CALCOCO2: variants seen among roughly 807,000 people sequenced by gnomAD.
CALCOCO2 encodes the protein calcium-binding and coiled-coil domain-containing protein 2.
In CALCOCO2, 42 loss-of-function variants were observed where a neutral mutation model predicts 62.5. That is an observed-to-expected ratio of 0.67 (90% CI 0.53 to 0.87). The LOEUF (loss-of-function observed/expected upper bound fraction) is 0.87. CALCOCO2 is among the 40% of genes least tolerant of loss of function. The pLI is 0.00. For synonymous variants in CALCOCO2, 167 were observed against 173.0 expected (o/e 0.97, Z 0.27); for missense variants, 456 against 515.0 (o/e 0.89, Z 1.11).
chr17:48,856,721 G>T, intron 10 of CALCOCO2: 1 of 417,364 alleles, frequency 2.4e-6, no homozygotes, highest in Non-Finnish European at 4.8e-6. Flanking sequence ...AAGATGATAT[G>T]GCAAAAAATA....
chr17:48,839,265 C>T (rs959544425), intron 1 of CALCOCO2: 2 of 152,352 alleles, frequency 1.3e-5, no homozygotes, highest in Admixed American at 1.3e-4. Flanking sequence ...CCTCTGCCTC[C>T]CAAAGTGCTG....
rs990729797 is a variant in CALCOCO2, at chr17:48,860,462, T to C, written c.1144+13T>C. 5 of 1,612,316 alleles carry C rather than the reference T, an allele frequency of 3.1e-6. No individual in the cohort carries two copies. In the Admixed American group the frequency reaches 6.7e-5, roughly 22 times the overall value. On this transcript the variant is annotated intron_variant, in intron 11 of 12. Coordinates refer to ENST00000258947, the MANE Select transcript of CALCOCO2 (RefSeq NM_005831.5). Reference sequence around the variant, plus strand: ...AACCCATATTCTGGTAAGACAACTTTCCCATTCCAACTGGAAGGACCCTGC... The same window carrying C: ...AACCCATATTCTGGTAAGACAACTTCCCCATTCCAACTGGAAGGACCCTGC...
At chr17:48,836,796 C>T (rs1160861751) in intron 1 of CALCOCO2, among the ~76,000 whole-genome samples, 1 of 135,200 alleles carries the variant, frequency 7.4e-6, no homozygotes, top group African/African-American at 2.8e-5. Context: ...GAGTTTTGCT[C>T]TTATTGCCCA....
At chr17:48,844,604 C>G (rs930622466) in intron 2 of CALCOCO2, among the ~76,000 whole-genome samples, 1 of 151,908 alleles carries the variant, frequency 6.6e-6, no homozygotes, top group Non-Finnish European at 1.5e-5. Context: ...ACAGGCACCC[C>G]GCCTCCCCAG....
At position 48,852,943 on chromosome 17, in the gene CALCOCO2, G is replaced by A. The variant is rs139933630; in HGVS notation, c.843G>A (p.Lys281=). 1.2e-6 allele frequency: 2 copies of A among 1,613,404 alleles called. No homozygotes were observed. The highest frequency in any genetic ancestry group is 1.7e-5 in the Admixed American group (1 of 59,984). ...TTGTGCAGAGGAAGGACCAGAAGAA[G>A]CTCGAGCAGACAGTGGAGCAAATGA... ...SLTEQRKDQK[K]LEQTVEQMKQ... is the part of the protein sequence containing the mutation. The change falls in exon 9 of 13, where the codon AAG becomes AAA. Residue 281 remains lysine (K), a synonymous_variant. Transcript: ENST00000258947.
chr17:48,838,713 T>TAA (rs1317549534), intron 1 of CALCOCO2, among the ~76,000 whole-genome samples: 1 of 151,858 alleles, frequency 6.6e-6, no homozygotes, highest in African/African-American at 2.4e-5. Context: ...GACTCTGTCT[T>TAA]AAAAAATATA....
intron 1 of CALCOCO2, among the ~76,000 whole-genome samples, chr17:48,834,405 C>T (rs1218010635): frequency 6.6e-6 from 1 of 152,116 alleles, no homozygotes; most frequent in Non-Finnish European, 1.5e-5. Flanking sequence ...ATAAAGTTGC[C>T]TCTGACAGTT....
rs2040095327 is a variant in CALCOCO2 at position 48,849,346 on chromosome 17, CAGA to C, written c.513_515del (p.Asp172del). On this transcript the variant is annotated inframe_deletion, in exon 5 of 13. Coordinates refer to ENST00000258947, the MANE Select transcript of CALCOCO2 (RefSeq NM_005831.5). ...TGTATCAGCCTCCAGAAGCAGAACT[CAGA>C]CATGCAGGCTGAGCTCCAAAAGAAG... is the stretch of plus-strand genomic sequence containing the variant. The C allele has an allele frequency of 6.2e-7, 1 of 1,613,578 alleles. No individual in the cohort carries two copies. The highest frequency in any genetic ancestry group is 8.5e-7 in the Non-Finnish European group (1 of 1,179,832).
chr17:48,831,669 T>G (rs2039815299), intron 1 of CALCOCO2: 1 of 152,252 alleles, frequency 6.6e-6, no homozygotes, highest in Non-Finnish European at 1.5e-5. Flanking sequence ...CCATTGCCCC[T>G]CCACCACTGA....
chr17:48,857,128 A>G (rs928000009), intron 10 of CALCOCO2, among the ~76,000 whole-genome samples: 3 of 150,698 alleles, frequency 2.0e-5, no homozygotes, highest in African/African-American at 7.3e-5. Context: ...CTCAGCATCA[A>G]ATAATAGGTG....
chr17:48,836,629 C>T (rs2039894840), intron 1 of CALCOCO2, among the ~76,000 whole-genome samples: 1 of 151,950 alleles, frequency 6.6e-6, no homozygotes, highest in African/African-American at 2.4e-5. Flanking sequence ...TACCTGTGTA[C>T]AATGAGGGTT....
At chr17:48,858,694 G>GT (rs769092683) in intron 10 of CALCOCO2, among the ~76,000 whole-genome samples, 26 of 151,490 alleles carry the variant, frequency 1.7e-4, no homozygotes, top group African/African-American at 5.9e-4. Context: ...TAGTTTGATT[G>GT]TGGGGGGGGG....
intron 2 of CALCOCO2, chr17:48,846,570 A>C: frequency 1.3e-6 from 1 of 782,548 alleles, no homozygotes; most frequent in Non-Finnish European, 2.1e-6. Context: ...GGCCTTCCCA[A>C]TGATATTTTG....
At chr17:48,853,086 T>G in intron 9 of CALCOCO2, 74 bp downstream of exon 9, 1 of 981,870 alleles carries the variant, frequency 1.0e-6, no homozygotes. Flanking sequence ...GGGCCTATTT[T>G]CCGGTTGATG....
Position 48,862,238 on chromosome 17 carries a change from A to G in CALCOCO2, c.1145-38A>G, listed in dbSNP as rs755092260. On this transcript the variant is annotated intron_variant, in intron 11 of 12. Transcript: ENST00000258947. ...CACAGTTGGAGAAGCTAGGGATGGT[A>G]TTTTCTCATTGAATGAGATCTTTTT... 11 of 1,414,360 alleles carry G rather than the reference A, an allele frequency of 7.8e-6. No homozygotes were observed. The Admixed American group carries it at 1.7e-4, about 22-fold the overall frequency. 87.6% of individuals were successfully genotyped at this position (1,414,360 alleles called of 1,614,324 possible). A position where few individuals can be genotyped will look rare whatever the true frequency, so the allele number is the denominator to read the frequency against.
chr17:48,853,089 G>C, intron 9 of CALCOCO2, 77 bp downstream of exon 9: 2 of 956,490 alleles, frequency 2.1e-6, no homozygotes, highest in South Asian at 2.7e-5. Context: ...CCTATTTTCC[G>C]GTTGATGGAC....
chr17:48,857,219 C>T (rs547603492), intron 10 of CALCOCO2, among the ~76,000 whole-genome samples: 140 of 140,440 alleles, frequency 1.0e-3, no homozygotes, highest in African/African-American at 3.3e-3. Flanking sequence ...TTTTTTGAGA[C>T]GGAGTTTCAC....
chr17:48,841,965 A>G (rs905596640), intron 2 of CALCOCO2, 78 bp downstream of exon 2: 1 of 1,026,516 alleles, frequency 9.7e-7, no homozygotes, highest in Non-Finnish European at 1.4e-6. Context: ...CTCTCTGTGT[A>G]TTATAAGCAT....
intron 1 of CALCOCO2, among the ~76,000 whole-genome samples, chr17:48,835,332 A>AAGGAG: frequency 6.6e-6 from 1 of 152,248 alleles, no homozygotes; most frequent in Middle Eastern, 3.4e-3. Flanking sequence ...GCTTGGTAAA[A>AAGGAG]AGGAGAGAAG....
Sources: allele counts gnomAD v4.1 joint callset (sites outside exome capture counted in the v4.1 genomes callset), GRCh38; gene constraint gnomAD v4.1.1; transcripts MANE v1.5; gene names NCBI Gene and HGNC (gene_info 2026-07-23, HGNC 2026-07-21).